The following RGS7BP variants were observed in gnomAD, a reference collection of about 807,000 sequenced individuals.
RGS7BP encodes regulator of G protein signaling 7 binding protein, also known as regulator of G protein signaling 7-binding protein.
Under a neutral mutation model 31.3 loss-of-function variants are expected in RGS7BP, and 9 were observed. The ratio of observed to expected loss-of-function variants is 0.29; its 90% CI spans 0.17 to 0.50. RGS7BP has a LOEUF of 0.50. Among genes scored for constraint, RGS7BP ranks in the 20% least tolerant of loss-of-function variants. RGS7BP has a pLI of 0.98. For synonymous variants in RGS7BP, 115 were observed against 120.1 expected (o/e 0.96, Z 0.28); for missense variants, 274 against 322.0 (o/e 0.85, Z 1.14).
At chr5:64,586,767 A>G (rs775663519) in intron 3 of RGS7BP, among the ~76,000 whole-genome samples, 32 of 152,226 alleles carry the variant, frequency 2.1e-4, no homozygotes, top group Non-Finnish European at 3.7e-4. Context: ...AAATTGCTTT[A>G]GTTCTGTATC....
chr5:64,562,808 C>A (rs192288651), intron 2 of RGS7BP, among the ~76,000 whole-genome samples: 1 of 152,236 alleles, frequency 6.6e-6, no homozygotes, highest in East Asian at 1.9e-4. Context: ...ATCTTCCACA[C>A]CGTCAGCCTT....
intron 3 of RGS7BP, among the ~76,000 whole-genome samples, chr5:64,577,164 C>T (rs1043387374): frequency 1.1e-4 from 16 of 152,128 alleles, no homozygotes; most frequent in Non-Finnish European, 5.9e-5. Flanking sequence ...CTTGGCCAGG[C>T]ACGGTGGCTC....
At chr5:64,543,623 TAACA>T (rs1413168084) in intron 2 of RGS7BP, among the ~76,000 whole-genome samples, 2 of 152,348 alleles carry the variant, frequency 1.3e-5, no homozygotes, top group African/African-American at 4.8e-5. Context: ...ATATTATGAT[TAACA>T]CAGCTTAAGT....
chr5:64,601,580 C>A, intron 5 of RGS7BP: 1 of 271,518 alleles, frequency 3.7e-6, no homozygotes, highest in Non-Finnish European at 5.6e-6. Context: ...GAAAAGCAAG[C>A]CACCCTTGCA....
At chr5:64,508,498 G>C (rs1253374364) in intron 2 of RGS7BP, among the ~76,000 whole-genome samples, 1 of 152,120 alleles carries the variant, frequency 6.6e-6, no homozygotes, top group Non-Finnish European at 1.5e-5. Flanking sequence ...ATTTTCATCA[G>C]ATTTATCGTT....
chr5:64,520,745 T>C (rs1359640990), intron 2 of RGS7BP, among the ~76,000 whole-genome samples: 1 of 152,130 alleles, frequency 6.6e-6, no homozygotes, highest in East Asian at 1.9e-4. Flanking sequence ...ATCACCACAA[T>C]GGTGTTGGCC....
intron 4 of RGS7BP, 22 bp downstream of exon 4, chr5:64,594,879 A>G (rs777818770): frequency 9.3e-6 from 15 of 1,611,770 alleles, no homozygotes; most frequent in Non-Finnish European, 1.0e-5. Context: ...GTTACCCTGA[A>G]TAGACTGCCA....
chr5:64,536,683 C>G (rs78606997), intron 2 of RGS7BP, among the ~76,000 whole-genome samples: 22 of 152,152 alleles, frequency 1.4e-4, no homozygotes, highest in Admixed American at 2.0e-4. Flanking sequence ...TCTGTGAAAC[C>G]TATTGACTAA....
At chr5:64,578,932 CT>C (rs1349559607) in intron 3 of RGS7BP, among the ~76,000 whole-genome samples, 1 of 152,136 alleles carries the variant, frequency 6.6e-6, no homozygotes, top group Non-Finnish European at 1.5e-5. Context: ...TCTAAAGTTA[CT>C]TTTTTTACTG....
intron 2 of RGS7BP, among the ~76,000 whole-genome samples, chr5:64,567,399 G>A (rs930539065): frequency 6.6e-6 from 1 of 152,124 alleles, no homozygotes; most frequent in African/African-American, 2.4e-5. Flanking sequence ...ACAGTTAAAT[G>A]AGATGATAGA....
At position 64,592,823 on chromosome 5, in the gene RGS7BP, A is replaced by G. The variant is rs114627581; in HGVS notation, c.464-1887A>G. ...GAGGCCTTCAGGTTTTGAAAAGCAG[A>G]GGACTGTTTTGGGAGAGTCCTCATT... On this transcript the variant is annotated intron_variant, in intron 3 of 5. Coordinates refer to ENST00000334025, the MANE Select transcript of RGS7BP (RefSeq NM_001029875.3). 5.0e-3 allele frequency among the ~76,000 whole-genome samples: 759 copies of G among 152,304 alleles called. 7 individuals carry two copies. Among genetic ancestry groups the G allele is most frequent in the African/African-American group, 0.018 (734 of 41,574 alleles).
intron 3 of RGS7BP, among the ~76,000 whole-genome samples, chr5:64,582,701 T>G (rs968821551): frequency 5.3e-5 from 8 of 152,222 alleles, no homozygotes; most frequent in African/African-American, 1.9e-4. Flanking sequence ...ATTCAGAATC[T>G]GCTGGGAGCT....
At chr5:64,519,632 T>A (rs550581025) in intron 2 of RGS7BP, among the ~76,000 whole-genome samples, 1 of 152,312 alleles carries the variant, frequency 6.6e-6, no homozygotes, top group East Asian at 1.9e-4. Flanking sequence ...AGACACTATT[T>A]GTCTGTTTTG....
rs1297269634 is a variant in RGS7BP, at chr5:64,592,173, T to C, written c.464-2537T>C. On this transcript the variant is annotated intron_variant, in intron 3 of 5. Transcript: ENST00000334025. ...CATACATTCTGGAATTGAAAACCCC[T>C]TAAATTCATATTGATCTTTTCTGTC... is the stretch of plus-strand genomic sequence containing the variant. Among the ~76,000 whole-genome samples, 4 of 152,174 alleles carry C rather than the reference T, an allele frequency of 2.6e-5. No homozygotes were observed. In the East Asian group the frequency reaches 5.8e-4, roughly 22 times the overall value.
intron 2 of RGS7BP, among the ~76,000 whole-genome samples, chr5:64,552,287 T>G (rs1328463048): frequency 6.6e-6 from 1 of 152,150 alleles, no homozygotes; most frequent in East Asian, 1.9e-4. Flanking sequence ...TTTTCAGAAA[T>G]GGTTACTCTT....
At chr5:64,536,640 G>C (rs1364626406) in intron 2 of RGS7BP, among the ~76,000 whole-genome samples, 1 of 152,174 alleles carries the variant, frequency 6.6e-6, no homozygotes, top group African/African-American at 2.4e-5. Context: ...TCACTTACGT[G>C]AGTCACTGGA....
In RGS7BP at chr5:64,609,208, C is replaced by T. The variant is rs200679947; in HGVS notation, c.730C>T (p.Arg244Trp). 2.5e-6 allele frequency: 4 copies of T among 1,611,374 alleles called. No homozygotes were observed. The highest frequency in any genetic ancestry group is 1.3e-5 in the African/African-American group (1 of 74,856). The change falls in exon 6 of 6, where the codon CGG becomes TGG. Residue 244 changes from arginine to tryptophan, a missense_variant. This residue lies in a region of RGS7BP where 112 missense variants were observed against 130.9 expected (regional missense o/e 0.86). Coordinates refer to ENST00000334025, the MANE Select transcript of RGS7BP (RefSeq NM_001029875.3). ...NLTPYPLVRR[R>W]KRRFFGLCCL... ...AACTCCCTACCCCCTGGTGAGAAGACGGAAGAGAAGGTTCTTTGGGCTGTG... is the reference window on the plus strand; with the variant it reads ...AACTCCCTACCCCCTGGTGAGAAGATGGAAGAGAAGGTTCTTTGGGCTGTG...
chr5:64,516,164 T>C (rs987355647), intron 2 of RGS7BP, among the ~76,000 whole-genome samples: 1 of 152,188 alleles, frequency 6.6e-6, no homozygotes, highest in African/African-American at 2.4e-5. Context: ...CAAAAGTCAA[T>C]TTAACATTTG....
intron 2 of RGS7BP, among the ~76,000 whole-genome samples, chr5:64,536,216 C>T (rs754259469): frequency 3.9e-5 from 6 of 152,062 alleles, no homozygotes; most frequent in Admixed American, 3.9e-4. Context: ...AGCCCATAGC[C>T]GTACCAGTAA....
Sources: gnomAD v4.1 joint callset for allele counts (sites outside exome capture counted in the v4.1 genomes callset) on GRCh38, gnomAD v4.1.1 for gene constraint, gnomAD v4.1.1 regional missense constraint, MANE v1.5 for transcripts, NCBI Gene and HGNC (gene_info 2026-07-23, HGNC 2026-07-21) for gene names.